OPRM1: variants seen among roughly 807,000 people sequenced by gnomAD.
OPRM1 encodes opioid receptor mu 1, also known as mu-type opioid receptor.
In OPRM1, 27 loss-of-function variants were observed where a neutral mutation model predicts 31.8. That is an observed-to-expected ratio of 0.85 (90% CI 0.63 to 1.17). The LOEUF is 1.17. Among genes scored for constraint, OPRM1 ranks in the 50% most tolerant of loss-of-function variants. OPRM1 has a pLI of 0.00. For missense variants in OPRM1, 536 were observed against 511.1 expected, an observed-to-expected ratio of 1.05 and a Z score of -0.47; for synonymous variants, 196 against 189.9, an observed-to-expected ratio of 1.03 and a Z score of -0.26.
At chr6:154,113,101 G>T (rs1167402033) in intron 3 of OPRM1, among the ~76,000 whole-genome samples, 1 of 152,214 alleles carries the variant, frequency 6.6e-6, no homozygotes, top group Non-Finnish European at 1.5e-5. Flanking sequence ...CATTCAGCCA[G>T]ACTGTAGTCT....
chr6:154,119,252 A>G lies in OPRM1; in HGVS notation c.*531A>G. 5.1e-6 allele frequency: 5 copies of G among 985,392 alleles called. No individual in the cohort carries two copies. Among genetic ancestry groups the G allele is most frequent in the Non-Finnish European group, 6.0e-6 (5 of 829,658 alleles). The allele number at this position is 985,392 out of a possible 1,614,324, so 61.0% of individuals were successfully genotyped here. A position where few individuals can be genotyped will look rare whatever the true frequency, so the allele number is the denominator to read the frequency against. ...AGCATCTGGCTAAGGCATCATTTTC[A>G]CCTCCATTTCTTGGTTTTGTATTGT... On this transcript the variant is annotated 3_prime_UTR_variant, in exon 4 of 4. Coordinates refer to ENST00000330432, the MANE Select transcript of OPRM1 (RefSeq NM_000914.5).
chr6:154,136,707 A>G (rs772461247), downstream of OPRM1, among the ~76,000 whole-genome samples: 8 of 152,092 alleles, frequency 5.3e-5, no homozygotes, highest in Non-Finnish European at 1.0e-4. Flanking sequence ...CCTTTACTTC[A>G]AATACATGGG....
At chr6:154,044,482 T>C (rs1780704783) in intron 1 of OPRM1, among the ~76,000 whole-genome samples, 1 of 152,036 alleles carries the variant, frequency 6.6e-6, no homozygotes, top group Non-Finnish European at 1.5e-5. Flanking sequence ...AAACAAACAT[T>C]CGGGCCATTA....
At chr6:154,235,456 G>C (rs534637849) in intron 3 of OPRM1, among the ~76,000 whole-genome samples, 1 of 151,146 alleles carries the variant, frequency 6.6e-6, no homozygotes, top group Admixed American at 6.6e-5. Flanking sequence ...ACTTGAACCC[G>C]GGAGGCAGAG....
At chr6:154,172,257 G>T (rs1280502753) in intron 3 of OPRM1, among the ~76,000 whole-genome samples, 1 of 152,188 alleles carries the variant, frequency 6.6e-6, no homozygotes, top group South Asian at 2.1e-4. Flanking sequence ...ATTCCCAACT[G>T]AAGTACCTGG....
intron 3 of OPRM1, among the ~76,000 whole-genome samples, chr6:154,144,703 G>T (rs556169634): frequency 7.1e-6 from 1 of 141,792 alleles, no homozygotes; most frequent in East Asian, 2.0e-4. Flanking sequence ...AGCCGAGATC[G>T]CGCCATTGCA....
At chr6:154,207,636 C>G (rs548285168) in intron 3 of OPRM1, among the ~76,000 whole-genome samples, 2 of 152,202 alleles carry the variant, frequency 1.3e-5, no homozygotes, top group South Asian at 2.1e-4. Flanking sequence ...CTCTGGGGCT[C>G]AAGCCATCCA....
At chr6:154,236,796 A>G (rs1452978974) in intron 3 of OPRM1, among the ~76,000 whole-genome samples, 1 of 152,176 alleles carries the variant, frequency 6.6e-6, no homozygotes. Flanking sequence ...AAGGAGCCTC[A>G]GCATCAGGGT....
chr6:154,187,054 T>C (rs1321854154), intron 3 of OPRM1, among the ~76,000 whole-genome samples: 2 of 152,186 alleles, frequency 1.3e-5, no homozygotes, highest in African/African-American at 4.8e-5. Context: ...CTCCACACTC[T>C]GTCTTCCTGC....
At chr6:154,039,996 G>T (rs1435742276) in intron 1 of OPRM1, among the ~76,000 whole-genome samples, 162 bp downstream of exon 1, 1 of 152,134 alleles carries the variant, frequency 6.6e-6, no homozygotes, top group African/African-American at 2.4e-5. Context: ...TTATTTCTAT[G>T]AGAAAACCTA....
chr6:154,064,798 T>C (rs80124298), intron 1 of OPRM1, among the ~76,000 whole-genome samples: 2,878 of 152,290 alleles, frequency 0.019, 113 homozygotes, highest in African/African-American at 0.066. Flanking sequence ...CATTTGGGCA[T>C]GTAGGCAAGG....
intron 1 of OPRM1, among the ~76,000 whole-genome samples, chr6:154,024,371 A>T (rs1182409392): frequency 1.3e-5 from 2 of 152,000 alleles, no homozygotes; most frequent in Non-Finnish European, 1.5e-5. Flanking sequence ...TTTCTGCAGT[A>T]TCAGTTCTAA....
At chr6:154,192,318 C>CTGTGTGTGTGTGTGTGTGTG (rs56231733) in intron 3 of OPRM1, among the ~76,000 whole-genome samples, 4 of 148,028 alleles carry the variant, frequency 2.7e-5, no homozygotes, top group African/African-American at 7.5e-5. Flanking sequence ...CACGTGGTTA[C>CTGTGTGTGTGTGTGTGTGTG]TGTGTGTGTG....
intron 3 of OPRM1, chr6:154,094,317 A>G: frequency 1.2e-6 from 1 of 838,780 alleles, no homozygotes; most frequent in South Asian, 1.4e-5. Flanking sequence ...GCAGTTATCA[A>G]GGTAATTTGA....
In OPRM1 at chr6:154,125,003, C is replaced by T. The variant is rs1416216149; in HGVS notation, c.*6282C>T. Among the ~76,000 whole-genome samples the T allele has an allele frequency of 6.6e-6, 1 of 152,084 alleles. No homozygotes were observed. The highest frequency in any genetic ancestry group is 1.5e-5 in the Non-Finnish European group (1 of 68,016). On this transcript the variant is annotated 3_prime_UTR_variant, in exon 4 of 4. Coordinates refer to ENST00000330432, the MANE Select transcript of OPRM1 (RefSeq NM_000914.5). Reference sequence around the variant, plus strand: ...ACCAGGTACAGGACCTACCAAAGGCCACAGCCAAGCACAAGCAGCTACATT... The same window carrying T: ...ACCAGGTACAGGACCTACCAAAGGCTACAGCCAAGCACAAGCAGCTACATT...
intron 3 of OPRM1, among the ~76,000 whole-genome samples, chr6:154,116,058 A>G (rs1796843982): frequency 6.6e-6 from 1 of 152,120 alleles, no homozygotes; most frequent in African/African-American, 2.4e-5. Flanking sequence ...CTAGACATCT[A>G]GAGGCCCTAA....
At chr6:154,159,342 C>A in intron 3 of OPRM1, 1 of 162,450 alleles carries the variant, frequency 6.2e-6, no homozygotes. Flanking sequence ...TCTGCAACAC[C>A]ACGTTTGTCC....
At chr6:154,242,487 A>T (rs1287354314) in intron 3 of OPRM1, among the ~76,000 whole-genome samples, 1 of 152,244 alleles carries the variant, frequency 6.6e-6, no homozygotes, top group African/African-American at 2.4e-5. Context: ...GACACAGAGT[A>T]AGTTGCTGAA....
chr6:154,220,782 A>G (rs924868280), intron 3 of OPRM1, among the ~76,000 whole-genome samples: 2 of 152,186 alleles, frequency 1.3e-5, no homozygotes, highest in African/African-American at 4.8e-5. Flanking sequence ...GGGATCTACA[A>G]TTTTAAGTTT....
Sources: allele counts gnomAD v4.1 joint callset (sites outside exome capture counted in the v4.1 genomes callset), GRCh38; gene constraint gnomAD v4.1.1; transcripts MANE v1.5; gene names NCBI Gene and HGNC (gene_info 2026-07-23, HGNC 2026-07-21).